Variants in COL4A6 observed in about 807,000 individuals in gnomAD.
COL4A6 encodes collagen type IV alpha 6 chain.
COL4A6 carries 59 observed loss-of-function variants against 126.7 expected under a neutral mutation model. That is an observed-to-expected ratio of 0.47 (90% CI 0.38 to 0.58). The LOEUF (loss-of-function observed/expected upper bound fraction) is 0.58, where lower values mean the gene tolerates loss of function less well. Among genes scored for constraint, COL4A6 ranks in the 20% least tolerant of loss-of-function variants. The probability of loss-of-function intolerance (pLI) is 0.00; values close to 1 mark genes in which losing one functional copy is unlikely to be tolerated. For synonymous variants in COL4A6, 547 were observed against 496.6 expected (o/e 1.10, Z -1.35); for missense variants, 1,285 against 1,337.3 (o/e 0.96, Z 0.61).
In COL4A6 at chrX:108,438,303, C is replaced by G; in HGVS notation, c.-107G>C. On this transcript the variant is annotated 5_prime_UTR_variant, in exon 1 of 45. Transcript: ENST00000334504. ...TTGGAGGCTGTTTCCTTACTCAGAA[C>G]AGAGTAGGTGGACGAAGTGGCCCAG... 1 of 1,109,465 alleles carries G rather than the reference C, an allele frequency of 9.0e-7. No individual in the cohort carries two copies. The highest frequency in any genetic ancestry group is 3.2e-5 in the East Asian group (1 of 31,694). 91.4% of individuals were successfully genotyped at this position (1,109,465 alleles called of 1,213,427 possible). A position where few individuals can be genotyped will look rare whatever the true frequency, so the allele number is the denominator to read the frequency against.
chrX:108,327,986 C>CA (rs1429395140), intron 2 of COL4A6, among the ~76,000 whole-genome samples: 2 of 110,887 alleles, frequency 1.8e-5, no homozygotes, highest in Non-Finnish European at 3.8e-5. Flanking sequence ...AACCTACACA[C>CA]AAAAAAACCT....
At chrX:108,334,973 T>C (rs1306511969) in intron 2 of COL4A6, among the ~76,000 whole-genome samples, 2 of 112,140 alleles carry the variant, frequency 1.8e-5, no homozygotes, top group Admixed American at 9.5e-5. Flanking sequence ...GGAAAGTTAA[T>C]TCCTCTTAGA....
chrX:108,215,511 T>C (rs1292411679), intron 5 of COL4A6, among the ~76,000 whole-genome samples: 4 of 111,597 alleles, frequency 3.6e-5, no homozygotes, highest in Non-Finnish European at 5.6e-5. Flanking sequence ...CTCCCTCAGA[T>C]CTATGTCCTA....
chrX:108,171,020 A>G (rs1222394904), intron 33 of COL4A6, 103 bp from the exon 34 acceptor site: 15 of 712,383 alleles, frequency 2.1e-5, no homozygotes, highest in Admixed American at 6.3e-5. Flanking sequence ...GCTAGACCCA[A>G]TGAAGAAACT....
chrX:108,339,176 C>G (rs1034043892), intron 2 of COL4A6, among the ~76,000 whole-genome samples: 1 of 112,551 alleles, frequency 8.9e-6, no homozygotes, highest in African/African-American at 3.2e-5. Context: ...GCTCAGAAAG[C>G]CAGGCAAGAG....
intron 2 of COL4A6, among the ~76,000 whole-genome samples, chrX:108,319,528 C>G (rs1408465106): frequency 8.9e-6 from 1 of 111,871 alleles, no homozygotes; most frequent in Non-Finnish European, 1.9e-5. Context: ...AGTAAAGAAT[C>G]AACAACCAGA....
intron 2 of COL4A6, among the ~76,000 whole-genome samples, chrX:108,408,473 A>G (rs1319286057): frequency 2.7e-5 from 3 of 111,906 alleles, no homozygotes; most frequent in Non-Finnish European, 5.6e-5. Flanking sequence ...AACGACAAAA[A>G]ATCTGCAGCC....
At chrX:108,418,719 G>A (rs2041479009) in intron 2 of COL4A6, among the ~76,000 whole-genome samples, 1 of 112,043 alleles carries the variant, frequency 8.9e-6, no homozygotes, top group Non-Finnish European at 1.9e-5. Flanking sequence ...GATGCCAGAG[G>A]ACAAACTATT....
At chrX:108,177,862 A>T (rs1045888842) in intron 27 of COL4A6, among the ~76,000 whole-genome samples, 6 of 111,422 alleles carry the variant, frequency 5.4e-5, no homozygotes, top group African/African-American at 2.0e-4. Context: ...GGAAAAATTC[A>T]ATGGGAGCCA....
rs1322314198 is a variant in COL4A6, at chrX:108,156,717, T to A, written c.*283A>T. 1.9e-5 allele frequency: 7 copies of A among 375,453 alleles called. No individual in the cohort carries two copies. In the East Asian group the frequency reaches 3.0e-4, roughly 16 times the overall value. The allele number at this position is 375,453 out of a possible 1,213,427, so 30.9% of individuals were successfully genotyped here. On this transcript the variant is annotated 3_prime_UTR_variant, in exon 45 of 45. Transcript: ENST00000334504. Reference sequence around the variant, plus strand: ...AGCAGTCTAAGACAGTTGTGGCCCATCAAATCTTTCTGAGGTAGCCATGAA... The same window carrying A: ...AGCAGTCTAAGACAGTTGTGGCCCAACAAATCTTTCTGAGGTAGCCATGAA...
chrX:108,371,824 T>A (rs1603180779), intron 2 of COL4A6, among the ~76,000 whole-genome samples: 1 of 82,447 alleles, frequency 1.2e-5, no homozygotes, highest in African/African-American at 5.0e-5. Flanking sequence ...ATGGGTTGGA[T>A]CAATGTAGCA....
chrX:108,224,096 C>T (rs756011596), intron 3 of COL4A6, among the ~76,000 whole-genome samples: 2 of 112,093 alleles, frequency 1.8e-5, no homozygotes, highest in South Asian at 3.8e-4. Context: ...CTGGCACCCT[C>T]TACCTCTGGT....
At chrX:108,349,514 C>A (rs1638693591) in intron 2 of COL4A6, among the ~76,000 whole-genome samples, 1 of 111,885 alleles carries the variant, frequency 8.9e-6, no homozygotes, top group Non-Finnish European at 1.9e-5. Flanking sequence ...CCTAACTTTT[C>A]TGAGCCTCCA....
At chrX:108,312,939 A>AT (rs1556166218) in intron 2 of COL4A6, among the ~76,000 whole-genome samples, 16 of 111,657 alleles carry the variant, frequency 1.4e-4, no homozygotes, top group Non-Finnish European at 2.8e-4. Context: ...GAAAAAAAAA[A>AT]CAATAGCAGG....
At chrX:108,436,888 G>C (rs2064278633) in intron 2 of COL4A6, among the ~76,000 whole-genome samples, 1 of 111,316 alleles carries the variant, frequency 9.0e-6, no homozygotes, top group Admixed American at 9.5e-5. Flanking sequence ...GTTGAATTAC[G>C]TATGGCCCTA....
chrX:108,400,679 T>C (rs1460916309), intron 2 of COL4A6, among the ~76,000 whole-genome samples: 1 of 111,408 alleles, frequency 9.0e-6, no homozygotes, highest in Admixed American at 9.6e-5. Context: ...CATGTATGTA[T>C]GTATGTGTGT....
chrX:108,211,046 C>T (rs762279121), intron 7 of COL4A6, among the ~76,000 whole-genome samples: 1 of 111,897 alleles, frequency 8.9e-6, no homozygotes, highest in East Asian at 2.8e-4. Context: ...GACTCCTGCC[C>T]CACTCTGCAA....
At chrX:108,375,592 T>A (rs972986586) in intron 2 of COL4A6, among the ~76,000 whole-genome samples, 5 of 110,970 alleles carry the variant, frequency 4.5e-5, no homozygotes, top group African/African-American at 1.6e-4. Flanking sequence ...GCTCTCTACC[T>A]GATTTCTAAC....
At position 108,343,165 on chromosome X, in the gene COL4A6, A is replaced by ATATATAGTGTGTGT. The variant is rs1377817612; in HGVS notation, c.64-32338_64-32337insACACACACTATATA. On this transcript the variant is annotated intron_variant, in intron 2 of 44. Coordinates refer to ENST00000334504, the MANE Select transcript of COL4A6 (RefSeq NM_033641.4). ...TATATATATATATATATATATATAT[A>ATATATAGTGTGTGT]GTGTGTGTGTGTGTGTGTGTGTGTG... 4.5e-4 allele frequency among the ~76,000 whole-genome samples: 14 copies of ATATATAGTGTGTGT among 31,410 alleles called. No homozygotes were observed. In the East Asian group the frequency reaches 8.0e-3, roughly 18 times the overall value. The allele number at this position is 31,410 out of a possible 115,157, so 27.3% of individuals were successfully genotyped here. A position where few individuals can be genotyped will look rare whatever the true frequency, so the allele number is the denominator to read the frequency against.
Sources: allele counts gnomAD v4.1 joint callset (sites outside exome capture counted in the v4.1 genomes callset), GRCh38; gene constraint gnomAD v4.1.1; transcripts MANE v1.5; gene names NCBI Gene and HGNC (gene_info 2026-07-23, HGNC 2026-07-21).